LNX1: variants seen among roughly 807,000 people sequenced by gnomAD.
The protein encoded by LNX1 is E3 ubiquitin-protein ligase LNX.
In LNX1, 54 loss-of-function variants were observed where a neutral mutation model predicts 68.4. That is an observed-to-expected ratio of 0.79 (90% CI 0.63 to 0.99). The LOEUF is 0.99. LNX1 is among the 50% of genes least tolerant of loss of function. LNX1 has a pLI of 0.00. For missense variants in LNX1, 906 were observed against 926.4 expected (o/e 0.98, Z 0.29); for synonymous variants, 336 against 350.0 (o/e 0.96, Z 0.45).
intron 2 of LNX1, among the ~76,000 whole-genome samples, chr4:53,533,796 C>T (rs1728182661): frequency 6.6e-6 from 1 of 152,246 alleles, no homozygotes; most frequent in Non-Finnish European, 1.5e-5. Context: ...ATGCCCAGGA[C>T]AGCCCCCACA....
chr4:53,618,590 C>A (rs1321454795), upstream of LNX1, among the ~76,000 whole-genome samples: 4 of 152,106 alleles, frequency 2.6e-5, no homozygotes, highest in African/African-American at 9.7e-5. Flanking sequence ...TCTCACTAAC[C>A]CTCGGATGTG....
chr4:53,621,096 G>A (rs1733852065), upstream of LNX1, among the ~76,000 whole-genome samples: 1 of 152,134 alleles, frequency 6.6e-6, no homozygotes, highest in African/African-American at 2.4e-5. Context: ...CACAGGGCAC[G>A]GTGACATCAC....
intron 2 of LNX1, among the ~76,000 whole-genome samples, chr4:53,555,044 A>C (rs1729806689): frequency 6.6e-6 from 1 of 152,142 alleles, no homozygotes; most frequent in African/African-American, 2.4e-5. Context: ...TGGAAAAACA[A>C]GGAATACAGG....
upstream of LNX1, chr4:53,617,543 T>A (rs1453264145): frequency 6.6e-6 from 1 of 152,226 alleles, no homozygotes; most frequent in African/African-American, 2.4e-5. Context: ...TTCTGCTTCA[T>A]GACATGGATA....
At chr4:53,498,124 A>T (rs1214305560) in intron 5 of LNX1, among the ~76,000 whole-genome samples, 1 of 152,186 alleles carries the variant, frequency 6.6e-6, no homozygotes, top group Non-Finnish European at 1.5e-5. Flanking sequence ...GGTTGGTGGA[A>T]TTAGCATAGA....
chr4:53,496,493 A>T, intron 5 of LNX1, 99 bp from the exon 6 acceptor site: 5 of 1,380,918 alleles, frequency 3.6e-6, no homozygotes, highest in Non-Finnish European at 4.8e-6. Flanking sequence ...GTCTTTAAAG[A>T]CTGCTCTGCT....
intron 2 of LNX1, among the ~76,000 whole-genome samples, chr4:53,614,044 G>T (rs977786969): frequency 2.0e-5 from 3 of 152,104 alleles, no homozygotes; most frequent in African/African-American, 7.2e-5. Context: ...TTGTGGTTTT[G>T]ATTTGCATTT....
intron 2 of LNX1, chr4:53,557,905 C>G: frequency 6.2e-7 from 1 of 1,613,542 alleles, no homozygotes; most frequent in Non-Finnish European, 8.5e-7. Context: ...AGGTTGCCCA[C>G]ATTGTCAATG....
At chr4:53,576,314 G>C in intron 1 of LNX1, 3 of 1,612,602 alleles carry the variant, frequency 1.9e-6, no homozygotes, top group Non-Finnish European at 1.7e-6. Context: ...CAGGAGCTGC[G>C]GTACAGCGTG....
intron 1 of LNX1, among the ~76,000 whole-genome samples, chr4:53,640,386 C>A (rs747060017): frequency 3.9e-5 from 6 of 152,014 alleles, no homozygotes; most frequent in Non-Finnish European, 8.8e-5. Context: ...GAAGGATGGA[C>A]CTCTGTATAA....
In LNX1 at chr4:53,508,047, C is replaced by G. The variant is rs773414902; in HGVS notation, c.561G>C (p.Ser187=). The stretch of plus-strand genomic sequence containing the variant: ...TGATTGCTGGCTGCCCGTCCTCTGC[C>G]GAGGACACGTAGGCAGGGTTGTCTA... ...PGLDNPAYVS[S]AEDGQPAISP... The change falls in exon 3 of 11, where the codon TCG becomes TCC. Residue 187 remains serine (S), a synonymous_variant. Coordinates refer to ENST00000263925, the MANE Select transcript of LNX1 (RefSeq NM_001126328.3). The G allele has an allele frequency of 4.3e-6, 7 of 1,613,932 alleles. No individual in the cohort carries two copies. The African/African-American group carries it at 5.3e-5, about 12-fold the overall frequency.
In LNX1 at chr4:53,586,192, G is replaced by A. The variant is rs114508237; in HGVS notation, c.-87+5196C>T. On this transcript the variant is annotated intron_variant, in intron 1 of 10. Coordinates refer to ENST00000263925, the MANE Select transcript of LNX1 (RefSeq NM_001126328.3). ...TGAGTGTGTGTATGTTGTGGAAGAT[G>A]TAATATAAGTCAGACAATCATATTT... Among the ~76,000 whole-genome samples the A allele has an allele frequency of 6.1e-3, 928 of 152,226 alleles. 6 individuals carry two copies. The highest frequency in any genetic ancestry group is 0.011 in the Non-Finnish European group (739 of 68,014).
At chr4:53,461,069 G>A (rs1444045398) in intron 10 of LNX1, 27 bp from the exon 11 acceptor site, 4 of 1,523,412 alleles carry the variant, frequency 2.6e-6, no homozygotes, top group South Asian at 1.3e-5. Context: ...AACAAGATAT[G>A]ATTAGTATTT....
intron 1 of LNX1, among the ~76,000 whole-genome samples, chr4:53,640,333 G>T (rs993868868): frequency 5.9e-5 from 9 of 152,194 alleles, no homozygotes; most frequent in African/African-American, 2.2e-4. Context: ...CTTTCTTTGG[G>T]AGAGCATCCT....
chr4:53,516,694 C>A (rs1196922403), intron 2 of LNX1, among the ~76,000 whole-genome samples: 1 of 152,152 alleles, frequency 6.6e-6, no homozygotes, highest in African/African-American at 2.4e-5. Context: ...AAGAACAGAC[C>A]TGAAGTGAGA....
intron 7 of LNX1, among the ~76,000 whole-genome samples, chr4:53,479,618 C>T (rs573095864): frequency 1.5e-5 from 2 of 136,072 alleles, no homozygotes; most frequent in African/African-American, 5.0e-5. Context: ...AGGAGAGTTA[C>T]GTATGAAAGA....
At chr4:53,641,165 C>A (rs763934113) in intron 1 of LNX1, among the ~76,000 whole-genome samples, 2 of 150,642 alleles carry the variant, frequency 1.3e-5, no homozygotes, top group Non-Finnish European at 3.0e-5. Context: ...TGGAGGAGAT[C>A]CAAGCTGCTT....
At chr4:53,591,022 C>A (rs1399750677) in intron 1 of LNX1, among the ~76,000 whole-genome samples, 3 of 152,188 alleles carry the variant, frequency 2.0e-5, no homozygotes, top group Non-Finnish European at 4.4e-5. Flanking sequence ...GGCCTCCTAG[C>A]CCCCGTTAAA....
At chr4:53,474,261 T>C (rs903775804) in intron 9 of LNX1, among the ~76,000 whole-genome samples, 7 of 152,194 alleles carry the variant, frequency 4.6e-5, no homozygotes, top group African/African-American at 1.7e-4. Context: ...TATGCTACCA[T>C]TGTGTTTGTG....
Sources: gnomAD v4.1 joint callset for allele counts (sites outside exome capture counted in the v4.1 genomes callset) on GRCh38, gnomAD v4.1.1 for gene constraint, MANE v1.5 for transcripts, NCBI Gene and HGNC (gene_info 2026-07-23, HGNC 2026-07-21) for gene names.